The following ADRA2C variants were observed in gnomAD, a reference collection of about 807,000 sequenced individuals.
The protein encoded by ADRA2C is alpha-2C adrenergic receptor.
In ADRA2C, 4 loss-of-function variants were observed where a neutral mutation model predicts 7.9. The observed-to-expected ratio is 0.51, with a 90% CI of 0.25 to 1.16. The LOEUF (loss-of-function observed/expected upper bound fraction) is 1.16. ADRA2C is among the 50% of genes most tolerant of loss of function. The probability of loss-of-function intolerance (pLI) is 0.15; values close to 1 mark genes in which losing one functional copy is unlikely to be tolerated. For synonymous variants in ADRA2C, 368 were observed against 328.9 expected (o/e 1.12, Z -1.29); for missense variants, 589 against 677.7 (o/e 0.87, Z 1.45).
rs1422138105 is a variant in ADRA2C, at chr4:3,767,559, C to G, written c.953C>G (p.Ala318Gly). The change falls in exon 1 of 1, where the codon GCG (alanine) becomes GGG (glycine). Residue 318 changes from alanine to glycine, a missense_variant. Transcript: ENST00000330055. The stretch of plus-strand genomic sequence containing the variant: ...GGCGCGGAGGGGGGCGCGGGCGGTG[C>G]GGACGGGCAGGGGGCGGGGCCGGGG... ...RAGAEGGAGG[A>G]DGQGAGPGAA... 9 of 1,102,734 alleles carry G rather than the reference C, an allele frequency of 8.2e-6. No homozygotes were observed. The highest frequency in any genetic ancestry group is 1.7e-5 in the African/African-American group (1 of 59,328). 68.3% of individuals were successfully genotyped at this position (1,102,734 alleles called of 1,614,324 possible).
Position 3,767,528 on chromosome 4 carries a change from C to A in ADRA2C, c.922C>A (p.Arg308=), listed in dbSNP as rs1239013250. 1 of 1,008,228 alleles carries A rather than the reference C, an allele frequency of 9.9e-7. No individual in the cohort carries two copies. Among genetic ancestry groups the A allele is most frequent in the Non-Finnish European group, 1.2e-6 (1 of 846,688 alleles). 62.5% of individuals were successfully genotyped at this position (1,008,228 alleles called of 1,614,324 possible). ...CGCGTTGCGGCGGGGCGGGCGGCGGCGAGCGGGCGCGGAGGGGGGCGCGGG... is the reference window on the plus strand; with the variant it reads ...CGCGTTGCGGCGGGGCGGGCGGCGGAGAGCGGGCGCGGAGGGGGGCGCGGG... ...RGALRRGGRR[R]AGAEGGAGGA... Residue 308 remains arginine, a synonymous_variant, in exon 1 of 1, where the codon CGA becomes AGA. Coordinates refer to ENST00000330055, the MANE Select transcript of ADRA2C (RefSeq NM_000683.4).
chr4:3,768,226 G>C lies in ADRA2C; in HGVS notation c.*231G>C, dbSNP rs1354176845. On this transcript the variant is annotated 3_prime_UTR_variant, in exon 1 of 1. Coordinates refer to ENST00000330055, the MANE Select transcript of ADRA2C (RefSeq NM_000683.4). ...CCCTCAGCAAGGGGCTGCTTCTGGG[G>C]CTCCCTGCCTGGATCCAGCTCTGGG... 1.4e-6 allele frequency: 1 copy of C among 719,614 alleles called. No individual in the cohort carries two copies. Among genetic ancestry groups the C allele is most frequent in the African/African-American group, 1.7e-5 (1 of 57,318 alleles). 44.6% of individuals were successfully genotyped at this position (719,614 alleles called of 1,614,324 possible). A position where few individuals can be genotyped will look rare whatever the true frequency, so the allele number is the denominator to read the frequency against.
chr4:3,766,475 G>T lies in ADRA2C; in HGVS notation c.-132G>T. On this transcript the variant is annotated 5_prime_UTR_variant, in exon 1 of 1. Transcript: ENST00000330055. This position sits in a 1 kb window ranked among gnomAD's most constrained non-coding sequence, Gnocchi z 4.5. ...CACCACGGCCGAGGGCCGGCTGCTG[G>T]GCGCCGCGGTCCCCGGCGGGCGCGC... 1 of 584,782 alleles carries T rather than the reference G, an allele frequency of 1.7e-6. No homozygotes were observed. The highest frequency in any genetic ancestry group is 2.1e-6 in the Non-Finnish European group (1 of 466,428). 36.2% of individuals were successfully genotyped at this position (584,782 alleles called of 1,614,324 possible). A position where few individuals can be genotyped will look rare whatever the true frequency, so the allele number is the denominator to read the frequency against.
rs1735453628 is a variant in ADRA2C, at chr4:3,766,812, A to G, written c.206A>G (p.Asn69Ser). 1 of 1,573,808 alleles carries G rather than the reference A, an allele frequency of 6.4e-7. No individual in the cohort carries two copies. Among genetic ancestry groups the G allele is most frequent in the South Asian group, 1.2e-5 (1 of 85,948 alleles). The part of the protein sequence containing the change: ...GFLIVFTVVG[N>S]VLVVIAVLTS... ...CTCATCGTCTTCACCGTGGTGGGCA[A>G]CGTGCTGGTGGTGATCGCCGTGCTG... is the stretch of plus-strand genomic sequence containing the variant. Residue 69 changes from asparagine to serine, a missense_variant, in exon 1 of 1, where the codon AAC (asparagine) becomes AGC (serine). Physicochemically the swap from Asn to Ser is conservative, Grantham distance 46. Transcript: ENST00000330055. This position sits in a 1 kb window ranked among gnomAD's most constrained non-coding sequence, Gnocchi z 4.5.
chr4:3,767,682 G>C lies in ADRA2C; in HGVS notation c.1076G>C (p.Arg359Pro). ...SSRSVEFFLS[R>P]RRRARSSVCR... ...CGCTCCGTCGAGTTCTTCCTGTCGC[G>C]CCGGCGCCGGGCGCGCAGCAGCGTG... The change falls in exon 1 of 1, where the codon CGC becomes CCC. Residue 359 changes from arginine (R) to proline (P), a missense_variant. Coordinates refer to ENST00000330055, the MANE Select transcript of ADRA2C (RefSeq NM_000683.4). The C allele has an allele frequency of 6.3e-7, 1 of 1,586,624 alleles. No individual in the cohort carries two copies. The highest frequency in any genetic ancestry group is 8.6e-7 in the Non-Finnish European group (1 of 1,168,666).
At position 3,767,720 on chromosome 4, in the gene ADRA2C, G is replaced by A. The variant is rs771822656; in HGVS notation, c.1114G>A (p.Val372Met). The change falls in exon 1 of 1, where the codon GTG becomes ATG. Residue 372 changes from valine to methionine, a missense_variant. Physicochemically the swap from Val to Met is conservative, Grantham distance 21. Transcript: ENST00000330055. ...GCGCAGCAGCGTGTGCCGCCGCAAG[G>A]TGGCCCAGGCGCGCGAGAAGCGCTT... ...RARSSVCRRK[V>M]AQAREKRFTF... 2 of 1,611,282 alleles carry A rather than the reference G, an allele frequency of 1.2e-6. No homozygotes were observed. The highest frequency in any genetic ancestry group is 3.3e-5 in the Admixed American group (2 of 59,900).
In ADRA2C at chr4:3,768,036, G is replaced by T. The variant is rs1317638239; in HGVS notation, c.*41G>T. 2.7e-6 allele frequency: 2 copies of T among 742,914 alleles called. No individual in the cohort carries two copies. Among genetic ancestry groups the T allele is most frequent in the Non-Finnish European group, 4.1e-6 (2 of 488,060 alleles). 46.0% of individuals were successfully genotyped at this position (742,914 alleles called of 1,614,324 possible). A position where few individuals can be genotyped will look rare whatever the true frequency, so the allele number is the denominator to read the frequency against. ...GAATCCTGGACAGCTCCGCGCTCGG[G>T]GCTGGGCAGAAGGGGCGGCCCGGAC... On this transcript the variant is annotated 3_prime_UTR_variant, in exon 1 of 1. Transcript: ENST00000330055.
Position 3,767,151 on chromosome 4 carries a change from TCTC to T in ADRA2C, c.548_550del (p.Ser183del), listed in dbSNP as rs1346275617. 2 of 1,607,702 alleles carry T rather than the reference TCTC, an allele frequency of 1.2e-6. No individual in the cohort carries two copies. The highest frequency in any genetic ancestry group is 1.7e-5 in the Admixed American group (1 of 59,898). On this transcript the variant is annotated inframe_deletion, in exon 1 of 1. Transcript: ENST00000330055. ...GCCGTGTGGCTCATCTCGGCCGTCA[TCTC>T]CTTCCCGCCGCTGGTCTCGCTCTAC... is the stretch of plus-strand genomic sequence containing the variant.
Position 3,767,595 on chromosome 4 carries a change from C to G in ADRA2C, c.989C>G (p.Ser330Trp). The G allele has an allele frequency of 1.2e-5, 16 of 1,284,450 alleles. No individual in the cohort carries two copies. Among genetic ancestry groups the G allele is most frequent in the Non-Finnish European group, 1.6e-5 (16 of 1,021,522 alleles). 79.6% of individuals were successfully genotyped at this position (1,284,450 alleles called of 1,614,324 possible). ...GGGGCGGGGCCGGGGGCGGCTGAGT[C>G]GGGGGCGCTGACCGCCTCCAGGTCC... ...GQGAGPGAAE[S>W]GALTASRSPG... The change falls in exon 1 of 1, where the codon TCG (serine) becomes TGG (tryptophan). Residue 330 changes from serine (S) to tryptophan (W), a missense_variant. By Grantham distance (177) the Ser-to-Trp change is radical. Coordinates refer to ENST00000330055, the MANE Select transcript of ADRA2C (RefSeq NM_000683.4).
In ADRA2C at chr4:3,767,920, G is replaced by C. The variant is rs367621374; in HGVS notation, c.1314G>C (p.Thr438=). ...GCTCGCTCAACCCGGTCATCTACAC[G>C]GTCTTCAACCAGGATTTCCGGCGAT... The part of the protein sequence containing the change: ...CNSSLNPVIY[T]VFNQDFRRSF... The change falls in exon 1 of 1, where the codon ACG becomes ACC. Residue 438 remains threonine (T), a synonymous_variant. Transcript: ENST00000330055. 48 of 1,612,018 alleles carry C rather than the reference G, an allele frequency of 3.0e-5. No homozygotes were observed. In the African/African-American group the frequency reaches 6.4e-4, roughly 22 times the overall value.
Position 3,767,164 on chromosome 4 carries a change from G to T in ADRA2C, c.558G>T (p.Pro186=), listed in dbSNP as rs200453759. 1.9e-6 allele frequency: 3 copies of T among 1,609,216 alleles called. No homozygotes were observed. Among genetic ancestry groups the T allele is most frequent in the Non-Finnish European group, 2.5e-6 (3 of 1,179,654 alleles). The change falls in exon 1 of 1, where the codon CCG becomes CCT. Residue 186 remains proline, a synonymous_variant. Transcript: ENST00000330055. ...TCTCGGCCGTCATCTCCTTCCCGCC[G>T]CTGGTCTCGCTCTACCGCCAGCCCG... ...WLISAVISFP[P]LVSLYRQPDG...
At position 3,768,089 on chromosome 4, in the gene ADRA2C, T is replaced by TCTCCCAGAGACCCGG; in HGVS notation, c.*94_*95insCTCCCAGAGACCCGG. ...GGGAGCTTTCCCAGAGACCCGGGGA[T>TCTCCCAGAGACCCGG]GGATTGGCCTCCAGGGCGCAGGGGA... is the stretch of plus-strand genomic sequence containing the variant. On this transcript the variant is annotated 3_prime_UTR_variant, in exon 1 of 1. Transcript: ENST00000330055. 2.1e-4 allele frequency: 25 copies of TCTCCCAGAGACCCGG among 117,628 alleles called. 1 individual carries two copies. Among genetic ancestry groups the TCTCCCAGAGACCCGG allele is most frequent in the African/African-American group, 4.8e-4 (2 of 4,208 alleles). The allele number at this position is 117,628 out of a possible 1,614,324, so 7.3% of individuals were successfully genotyped here. A position where few individuals can be genotyped will look rare whatever the true frequency, so the allele number is the denominator to read the frequency against.
In ADRA2C at chr4:3,766,715, G is replaced by T. The variant is rs1441297347; in HGVS notation, c.109G>T (p.Ala37Ser). The T allele has an allele frequency of 1.2e-5, 18 of 1,461,514 alleles. No homozygotes were observed. Among genetic ancestry groups the T allele is most frequent in the African/African-American group, 5.7e-5 (4 of 70,038 alleles). The allele number at this position is 1,461,514 out of a possible 1,614,324, so 90.5% of individuals were successfully genotyped here. The stretch of plus-strand genomic sequence containing the variant: ...CGGCGGGGTTGCCAATGCCTCGGGG[G>T]CTTCCTGGGGGCCGCCGCGCGGCCA... ...GSGGVANASG[A>S]SWGPPRGQYS... is the part of the protein sequence containing the mutation. The change falls in exon 1 of 1, where the codon GCT (alanine) becomes TCT (serine). Residue 37 changes from alanine to serine, a missense_variant. By Grantham distance (99) the Ala-to-Ser change is moderately conservative (BLOSUM62 1). Coordinates refer to ENST00000330055, the MANE Select transcript of ADRA2C (RefSeq NM_000683.4). The surrounding 1 kb of genome is among the most constrained non-coding windows in gnomAD (Gnocchi z 4.5).
In ADRA2C at chr4:3,766,656, G is replaced by C. The variant is rs1735448345; in HGVS notation, c.50G>C (p.Gly17Ala). ...GCGCTGGCGGTGGCGGCAGCGGCGGGCCCCAATGCGAGCGGCGCGGGCGAG... is the reference window on the plus strand; with the variant it reads ...GCGCTGGCGGTGGCGGCAGCGGCGGCCCCCAATGCGAGCGGCGCGGGCGAG... ...AAALAVAAAAGPNASGAGERG... is the reference protein window; with the variant it reads ...AAALAVAAAAAPNASGAGERG... The change falls in exon 1 of 1, where the codon GGC becomes GCC. Residue 17 changes from glycine (G) to alanine (A), a missense_variant. By Grantham distance (60) the Gly-to-Ala change is moderately conservative. Transcript: ENST00000330055. This position sits in a 1 kb window ranked among gnomAD's most constrained non-coding sequence, Gnocchi z 4.5. 3.1e-6 allele frequency: 4 copies of C among 1,282,018 alleles called. No individual in the cohort carries two copies. In the East Asian group the frequency reaches 1.3e-4, roughly 41 times the overall value. The allele number at this position is 1,282,018 out of a possible 1,614,324, so 79.4% of individuals were successfully genotyped here. A position where few individuals can be genotyped will look rare whatever the true frequency, so the allele number is the denominator to read the frequency against.
rs1577304236 is a variant in ADRA2C at position 3,766,695 on chromosome 4, G to A, written c.89G>A (p.Gly30Glu). ...GGCGCGGGCGAGAGGGGCAGCGGCG[G>A]GGTTGCCAATGCCTCGGGGGCTTCC... ...ASGAGERGSGGVANASGASWG... is the reference protein window; with the variant it reads ...ASGAGERGSGEVANASGASWG... The change falls in exon 1 of 1, where the codon GGG becomes GAG. Residue 30 changes from glycine to glutamate, a missense_variant. Physicochemically the swap from Gly to Glu is moderately conservative, Grantham distance 98 (BLOSUM62 -2). Transcript: ENST00000330055. This position sits in a 1 kb window ranked among gnomAD's most constrained non-coding sequence, Gnocchi z 4.5. The A allele has an allele frequency of 7.0e-7, 1 of 1,432,026 alleles. No homozygotes were observed. Among genetic ancestry groups the A allele is most frequent in the Admixed American group, 2.9e-5 (1 of 34,090 alleles). 88.7% of individuals were successfully genotyped at this position (1,432,026 alleles called of 1,614,324 possible).
Position 3,766,662 on chromosome 4 carries a change from A to T in ADRA2C, c.56A>T (p.Asn19Ile). The change falls in exon 1 of 1, where the codon AAT becomes ATT. Residue 19 changes from asparagine (N) to isoleucine (I), a missense_variant. By Grantham distance (149) the Asn-to-Ile change is moderately radical. Transcript: ENST00000330055. This position sits in a 1 kb window ranked among gnomAD's most constrained non-coding sequence, Gnocchi z 4.5. ...ALAVAAAAGP[N>I]ASGAGERGSG... is the part of the protein sequence containing the mutation. ...GCGGTGGCGGCAGCGGCGGGCCCCA[A>T]TGCGAGCGGCGCGGGCGAGAGGGGC... is the stretch of plus-strand genomic sequence containing the variant. 1 of 1,297,912 alleles carries T rather than the reference A, an allele frequency of 7.7e-7. No homozygotes were observed. Among genetic ancestry groups the T allele is most frequent in the African/African-American group, 1.6e-5 (1 of 64,268 alleles). The allele number at this position is 1,297,912 out of a possible 1,614,324, so 80.4% of individuals were successfully genotyped here.
chr4:3,768,105 G>T lies in ADRA2C; in HGVS notation c.*110G>T. On this transcript the variant is annotated 3_prime_UTR_variant, in exon 1 of 1. Coordinates refer to ENST00000330055, the MANE Select transcript of ADRA2C (RefSeq NM_000683.4). Reference sequence around the variant, plus strand: ...ACCCGGGGATGGATTGGCCTCCAGGGCGCAGGGGAGGGTGCGGCAGGGCAG... The same window carrying T: ...ACCCGGGGATGGATTGGCCTCCAGGTCGCAGGGGAGGGTGCGGCAGGGCAG... The T allele has an allele frequency of 8.7e-7, 1 of 1,144,758 alleles. No homozygotes were observed. The highest frequency in any genetic ancestry group is 1.3e-6 in the Non-Finnish European group (1 of 793,842). The allele number at this position is 1,144,758 out of a possible 1,614,324, so 70.9% of individuals were successfully genotyped here.
Position 3,767,702 on chromosome 4 carries a change from A to C in ADRA2C, c.1096A>C (p.Ser366Arg), listed in dbSNP as rs764347832. 1 of 1,607,828 alleles carries C rather than the reference A, an allele frequency of 6.2e-7. No homozygotes were observed. The highest frequency in any genetic ancestry group is 1.7e-5 in the Admixed American group (1 of 59,568). The stretch of plus-strand genomic sequence containing the variant: ...GTCGCGCCGGCGCCGGGCGCGCAGC[A>C]GCGTGTGCCGCCGCAAGGTGGCCCA... The part of the protein sequence containing the change: ...FLSRRRRARS[S>R]VCRRKVAQAR... Residue 366 changes from serine to arginine, a missense_variant, in exon 1 of 1, where the codon AGC becomes CGC. Transcript: ENST00000330055.
At position 3,767,341 on chromosome 4, in the gene ADRA2C, C is replaced by G. The variant is rs1322767575; in HGVS notation, c.735C>G (p.Ser245Arg). 3 of 1,557,432 alleles carry G rather than the reference C, an allele frequency of 1.9e-6. No homozygotes were observed. In the African/African-American group the frequency reaches 4.1e-5, roughly 21 times the overall value. The change falls in exon 1 of 1, where the codon AGC becomes AGG. Residue 245 changes from serine to arginine, a missense_variant. Ser to Arg is a moderately radical substitution (Grantham distance 110, BLOSUM62 -1). Coordinates refer to ENST00000330055, the MANE Select transcript of ADRA2C (RefSeq NM_000683.4). ...RVAKLRTRTL[S>R]EKRAPVGPDG... ...CCAAGCTGCGCACGCGCACGCTCAG[C>G]GAGAAGCGCGCCCCCGTGGGCCCCG... is the stretch of plus-strand genomic sequence containing the variant.
Sources: gnomAD v4.1 joint callset for allele counts on GRCh38, gnomAD v4.1.1 for gene constraint, Gnocchi (gnomAD v3.1) non-coding constraint, MANE v1.5 for transcripts, NCBI Gene and HGNC (gene_info 2026-07-23, HGNC 2026-07-21) for gene names.